The following ADGB variants were observed in gnomAD, a reference collection of about 807,000 sequenced individuals.
The protein encoded by ADGB is calpain-7-like protein.
In ADGB, 172 loss-of-function variants were observed where a neutral mutation model predicts 210.5. That is an observed-to-expected ratio of 0.82 (90% CI 0.72 to 0.93). The LOEUF (loss-of-function observed/expected upper bound fraction) is 0.93. ADGB is among the 40% of genes least tolerant of loss of function. The pLI is 0.00. For synonymous variants in ADGB, 658 were observed against 662.7 expected, an observed-to-expected ratio of 0.99 and a Z score of 0.11; for missense variants, 2,025 against 1,964.8, an observed-to-expected ratio of 1.03 and a Z score of -0.58.
chr6:146,667,238 A>G (rs1775949157), intron 7 of ADGB, among the ~76,000 whole-genome samples: 1 of 151,994 alleles, frequency 6.6e-6, no homozygotes, highest in Non-Finnish European at 1.5e-5. Flanking sequence ...TACAGAAGTG[A>G]CAAGACAAAA....
intron 33 of ADGB, among the ~76,000 whole-genome samples, chr6:146,793,362 TC>T (rs1372038637): frequency 6.6e-6 from 1 of 151,944 alleles, no homozygotes; most frequent in Non-Finnish European, 1.5e-5. Flanking sequence ...CACCTTTCAA[TC>T]CCCCCACTAA....
intron 1 of ADGB, among the ~76,000 whole-genome samples, chr6:146,623,508 C>A (rs1048044656): frequency 6.6e-6 from 1 of 151,742 alleles, no homozygotes; most frequent in Non-Finnish European, 1.5e-5. Flanking sequence ...CTTGTCAGTG[C>A]ACAAAAGTTC....
chr6:146,679,962 A>G (rs1378164552), intron 9 of ADGB, among the ~76,000 whole-genome samples: 1 of 152,188 alleles, frequency 6.6e-6, no homozygotes, highest in African/African-American at 2.4e-5. Context: ...ACTCTAGTAT[A>G]GAGTTCAGTA....
intron 20 of ADGB, among the ~76,000 whole-genome samples, chr6:146,730,972 T>TGA (rs1173295212): frequency 2.0e-5 from 3 of 151,384 alleles, no homozygotes; most frequent in East Asian, 1.9e-4. Context: ...CATACATTTC[T>TGA]GAGAGAGAGA....
chr6:146,691,912 C>T (rs989558759), intron 11 of ADGB, among the ~76,000 whole-genome samples: 11 of 151,704 alleles, frequency 7.3e-5, no homozygotes, highest in African/African-American at 1.5e-4. Flanking sequence ...TCCCTCTCTC[C>T]GTCCCTCCTT....
chr6:146,599,952 C>A (rs1414318532), intron 1 of ADGB, among the ~76,000 whole-genome samples: 1 of 152,146 alleles, frequency 6.6e-6, no homozygotes, highest in African/African-American at 2.4e-5. Context: ...TCAATCATTT[C>A]AAATTGAATT....
At chr6:146,677,423 A>G (rs970843340) in intron 9 of ADGB, among the ~76,000 whole-genome samples, 1 of 152,170 alleles carries the variant, frequency 6.6e-6, no homozygotes, top group African/African-American at 2.4e-5. Flanking sequence ...ATGATGATTT[A>G]TATGAGGACA....
At chr6:146,739,614 C>T (rs1777134132) in intron 23 of ADGB, among the ~76,000 whole-genome samples, 1 of 152,132 alleles carries the variant, frequency 6.6e-6, no homozygotes, top group Admixed American at 6.5e-5. Flanking sequence ...ACCACCATGG[C>T]TTTGCTTTCC....
intron 2 of ADGB, among the ~76,000 whole-genome samples, chr6:146,637,465 A>G (rs1032885493): frequency 6.6e-6 from 1 of 152,094 alleles, no homozygotes; most frequent in African/African-American, 2.4e-5. Context: ...AATAAACAGC[A>G]GCAGCTTGAA....
In ADGB at chr6:146,664,300, A is replaced by T. The variant is rs1775908102; in HGVS notation, c.712A>T (p.Met238Leu). The T allele has an allele frequency of 6.5e-7, 1 of 1,549,792 alleles. No homozygotes were observed. The highest frequency in any genetic ancestry group is 2.0e-5 in the Admixed American group (1 of 50,890). Reference sequence around the variant, plus strand: ...AACTTATGAATTTGAACTGTGGCCAATGCTTTTGTCTAAAGCTATTATCAA... The same window carrying T: ...AACTTATGAATTTGAACTGTGGCCATTGCTTTTGTCTAAAGCTATTATCAA... Reference protein sequence around the residue: ...ATTYEFELWPMLLSKAIIKLA... With the variant: ...ATTYEFELWPLLLSKAIIKLA... The change falls in exon 6 of 36, where the codon ATG (methionine) becomes TTG (leucine). Residue 238 changes from methionine to leucine, a missense_variant. Physicochemically the swap from Met to Leu is conservative, Grantham distance 15. Coordinates refer to ENST00000397944, the MANE Select transcript of ADGB (RefSeq NM_024694.4).
At chr6:146,718,785 C>T (rs73573702) in intron 16 of ADGB, among the ~76,000 whole-genome samples, 10,555 of 152,174 alleles carry the variant, frequency 0.069, 1,196 homozygotes, top group African/African-American at 0.24. Flanking sequence ...CAGATGAAAA[C>T]GGGCAGAGAA....
intron 27 of ADGB, among the ~76,000 whole-genome samples, chr6:146,762,971 C>G (rs1241262385): frequency 6.6e-6 from 1 of 152,184 alleles, no homozygotes; most frequent in Admixed American, 6.5e-5. Flanking sequence ...CAAGTGGACA[C>G]CATGTCTATT....
chr6:146,699,391 C>T (rs1583595675), intron 12 of ADGB, among the ~76,000 whole-genome samples: 1 of 152,068 alleles, frequency 6.6e-6, no homozygotes, highest in African/African-American at 2.4e-5. Flanking sequence ...GGGCAGAAGC[C>T]CTGGACTTTT....
chr6:146,709,217 T>G (rs1776622184), intron 13 of ADGB, among the ~76,000 whole-genome samples: 1 of 152,256 alleles, frequency 6.6e-6, no homozygotes, highest in Non-Finnish European at 1.5e-5. Context: ...TATAAATCTC[T>G]ATTTCATTAG....
intron 1 of ADGB, among the ~76,000 whole-genome samples, chr6:146,628,040 C>T (rs1781003810): frequency 1.3e-5 from 2 of 151,986 alleles, no homozygotes; most frequent in African/African-American, 4.8e-5. Context: ...CCTTGTGACT[C>T]TAAGATGGAA....
At chr6:146,622,504 C>T (rs1780909232) in intron 1 of ADGB, among the ~76,000 whole-genome samples, 1 of 152,024 alleles carries the variant, frequency 6.6e-6, no homozygotes, top group Admixed American at 6.6e-5. Flanking sequence ...GATGATTAGA[C>T]CAGATCGTAT....
At chr6:146,784,546 A>G (rs1313773018) in intron 30 of ADGB, 72 bp from the exon 31 acceptor site, 2 of 1,183,716 alleles carry the variant, frequency 1.7e-6, no homozygotes, top group African/African-American at 3.1e-5. Context: ...GAAATTATGT[A>G]TCATATGGTA....
chr6:146,610,263 T>G (rs558900707), intron 1 of ADGB, among the ~76,000 whole-genome samples: 33 of 152,348 alleles, frequency 2.2e-4, no homozygotes, highest in African/African-American at 7.7e-4. Flanking sequence ...TCCTTAAATT[T>G]GTTGGATTGG....
intron 17 of ADGB, 124 bp downstream of exon 17, chr6:146,721,629 G>C (rs1776816433): frequency 4.7e-6 from 3 of 633,472 alleles, no homozygotes; most frequent in Non-Finnish European, 8.4e-6. Flanking sequence ...CCTGAAGTCA[G>C]GAGTCCTAGG....
Sources: gnomAD v4.1 joint callset for allele counts (sites outside exome capture counted in the v4.1 genomes callset) on GRCh38, gnomAD v4.1.1 for gene constraint, MANE v1.5 for transcripts, NCBI Gene and HGNC (gene_info 2026-07-23, HGNC 2026-07-21) for gene names.